The following CACNA1H variants were observed in gnomAD, a reference collection of about 807,000 sequenced individuals.
CACNA1H encodes voltage-dependent T-type calcium channel subunit alpha-1H.
CACNA1H carries 149 observed loss-of-function variants against 192.5 expected under a neutral mutation model. That is an observed-to-expected ratio of 0.77 (90% CI 0.68 to 0.89). The LOEUF (loss-of-function observed/expected upper bound fraction) is 0.89. CACNA1H is among the 40% of genes least tolerant of loss of function. The pLI, the probability that CACNA1H is intolerant of heterozygous loss-of-function variation, is 0.00. For synonymous variants in CACNA1H, 2,202 were observed against 1,475.2 expected, an observed-to-expected ratio of 1.49 and a Z score of -11.29; for missense variants, 4,257 against 3,423.5, an observed-to-expected ratio of 1.24 and a Z score of -6.08.
chr16:1,154,054 C>CGG lies in CACNA1H; in HGVS notation c.299+23_299+24dup. 1 of 106,622 alleles carries CGG rather than the reference C, an allele frequency of 9.4e-6. No individual in the cohort carries two copies. Among genetic ancestry groups the CGG allele is most frequent in the South Asian group, 4.2e-4 (1 of 2,360 alleles). 6.6% of individuals were successfully genotyped at this position (106,622 alleles called of 1,614,324 possible). On this transcript the variant is annotated intron_variant, in intron 2 of 34. Transcript: ENST00000348261. The stretch of plus-strand genomic sequence containing the variant: ...TGCAACCCATATCCTTCCCGGCCGG[C>CGG]GGGGGGCGGGGGGCGGGGGGCGTGG...
In CACNA1H at chr16:1,212,538, C is replaced by T. The variant is rs762322793; in HGVS notation, c.4777+10C>T. On this transcript the variant is annotated intron_variant, in intron 26 of 34. Coordinates refer to ENST00000348261, the MANE Select transcript of CACNA1H (RefSeq NM_021098.3). ...ACTTTCCCCAGCCCAGGTACCGGCC[C>T]TGTCCCGCATGCCTCAGGCCCCGCT... 6.2e-6 allele frequency: 10 copies of T among 1,610,170 alleles called. No individual in the cohort carries two copies. In the South Asian group the frequency reaches 8.8e-5, roughly 14 times the overall value.
At chr16:1,178,424 A>G (rs1203582633) in intron 2 of CACNA1H, among the ~76,000 whole-genome samples, 1 of 149,792 alleles carries the variant, frequency 6.7e-6, no homozygotes, top group Non-Finnish European at 1.5e-5. Context: ...CCACCCCCCC[A>G]AGTGCCTCAG....
chr16:1,174,776 G>A (rs1191428624), intron 2 of CACNA1H, among the ~76,000 whole-genome samples: 6 of 152,246 alleles, frequency 3.9e-5, no homozygotes, highest in Non-Finnish European at 7.3e-5. Context: ...GGATCGAGTC[G>A]TTGGTGGATC....
At chr16:1,206,714 T>G (rs1330232472) in intron 12 of CACNA1H, 1 of 466,206 alleles carries the variant, frequency 2.1e-6, no homozygotes, top group Non-Finnish European at 3.9e-6. Flanking sequence ...GAGGCAGGTG[T>G]CCCAGGTTCC....
In CACNA1H at chr16:1,156,808, G is replaced by A. The variant is rs111429816; in HGVS notation, c.299+2772G>A. Among the ~76,000 whole-genome samples, 695 of 152,220 alleles carry A rather than the reference G, an allele frequency of 4.6e-3. 2 individuals are homozygous for A. Among genetic ancestry groups the A allele is most frequent in the Middle Eastern group, 0.01 (3 of 294 alleles). On this transcript the variant is annotated intron_variant, in intron 2 of 34. Transcript: ENST00000348261. ...CACAGGAACCTGGGGGAGGGCCCGC[G>A]TTTATCCCTGAACCTCTCCTGAACC...
rs778637721 is a variant in CACNA1H, at chr16:1,195,957, G to A, written c.577G>A (p.Val193Met). The change falls in exon 5 of 35, where the codon GTG becomes ATG. Residue 193 changes from valine (V) to methionine (M), a missense_variant. Transcript: ENST00000348261. ...GGAGTACTCGTTGGACGGACACAAC[G>A]TGAGCCTCTCGGCTATCAGGACCGT... is the stretch of plus-strand genomic sequence containing the variant. ...MMEYSLDGHN[V>M]SLSAIRTVRV... 24 of 1,612,986 alleles carry A rather than the reference G, an allele frequency of 1.5e-5. No individual in the cohort carries two copies. The highest frequency in any genetic ancestry group is 1.6e-4 in the Middle Eastern group (1 of 6,084).
In CACNA1H at chr16:1,201,779, C is replaced by A; in HGVS notation, c.1329C>A (p.Asn443Lys). The change falls in exon 9 of 35, where the codon AAC (asparagine) becomes AAA (lysine). Residue 443 changes from asparagine (N) to lysine (K), a missense_variant. Coordinates refer to ENST00000348261, the MANE Select transcript of CACNA1H (RefSeq NM_021098.3). The part of the protein sequence containing the change: ...MREQRARHLS[N>K]DSTLASFSEP... ...AGCAGCGGGCACGCCACCTGTCCAA[C>A]GACAGCACGCTGGCCAGCTTCTCCG... 1 of 1,602,418 alleles carries A rather than the reference C, an allele frequency of 6.2e-7. No homozygotes were observed. Among genetic ancestry groups the A allele is most frequent in the Non-Finnish European group, 8.5e-7 (1 of 1,175,540 alleles).
intron 2 of CACNA1H, among the ~76,000 whole-genome samples, chr16:1,155,175 A>G (rs1026209791): frequency 6.6e-6 from 1 of 152,216 alleles, no homozygotes; most frequent in Non-Finnish European, 1.5e-5. Context: ...AAATCCAAAC[A>G]TCGAGTGAGT....
rs773385518 is a variant in CACNA1H at position 1,200,705 on chromosome 16, T to C, written c.1120-11T>C. On this transcript the variant is annotated splice_polypyrimidine_tract_variant and intron_variant, in intron 7 of 34. Transcript: ENST00000348261. ...GTCGTGCGGGCCCAAGTCAAGCCAC[T>C]GCCCCCCCAGGTGATCACGCTGGAA... The C allele has an allele frequency of 4.5e-6, 7 of 1,565,734 alleles. No individual in the cohort carries two copies. Among genetic ancestry groups the C allele is most frequent in the Non-Finnish European group, 6.1e-6 (7 of 1,155,352 alleles).
intron 23 of CACNA1H, 44 bp from the exon 24 acceptor site, chr16:1,211,671 AC>A (rs772160588): frequency 1.2e-6 from 2 of 1,610,236 alleles, no homozygotes; most frequent in Middle Eastern, 1.7e-4. Flanking sequence ...AGGGCCGGCG[AC>A]CCCAGCTCTA....
intron 2 of CACNA1H, among the ~76,000 whole-genome samples, chr16:1,186,909 C>T (rs1966123998): frequency 6.6e-6 from 1 of 152,208 alleles, no homozygotes; most frequent in Non-Finnish European, 1.5e-5. Context: ...TGCCGCGGTT[C>T]TGAGTGGGGG....
Position 1,204,468 on chromosome 16 carries a change from G to A in CACNA1H, c.2451+10G>A, listed in dbSNP as rs576929548. On this transcript the variant is annotated intron_variant, in intron 10 of 34. Transcript: ENST00000348261. ...GGAGTACCATGAGCAGGTGCGGGCT[G>A]GCCTGGCCACGGGGTGGGCTCCCTG... The A allele has an allele frequency of 1.3e-6, 2 of 1,519,082 alleles. No homozygotes were observed. Among genetic ancestry groups the A allele is most frequent in the East Asian group, 2.3e-5 (1 of 43,942 alleles). 94.1% of individuals were successfully genotyped at this position (1,519,082 alleles called of 1,614,324 possible). A position where few individuals can be genotyped will look rare whatever the true frequency, so the allele number is the denominator to read the frequency against.
Position 1,167,224 on chromosome 16 carries a change from G to A in CACNA1H, c.299+13188G>A, listed in dbSNP as rs1049028311. On this transcript the variant is annotated intron_variant, in intron 2 of 34. Coordinates refer to ENST00000348261, the MANE Select transcript of CACNA1H (RefSeq NM_021098.3). The surrounding 1 kb of genome is among the most constrained non-coding windows in gnomAD (Gnocchi z 4.2). ...GTGGGGATGAAACGGGCTCTTTGCG[G>A]GGGGCCTGTGGGGTATGGGCCTCCT... Among the ~76,000 whole-genome samples the A allele has an allele frequency of 6.6e-6, 1 of 152,188 alleles. No individual in the cohort carries two copies. The highest frequency in any genetic ancestry group is 2.4e-5 in the African/African-American group (1 of 41,456).
At chr16:1,205,036 G>T in intron 10 of CACNA1H, 78 bp from the exon 11 acceptor site, 1 of 988,456 alleles carries the variant, frequency 1.0e-6, no homozygotes, top group Non-Finnish European at 1.4e-6. Flanking sequence ...AGCCACGGGT[G>T]GGGGCCCCAG....
chr16:1,180,472 G>A lies in CACNA1H; in HGVS notation c.300-14500G>A, dbSNP rs940327864. Among the ~76,000 whole-genome samples, 2 of 152,176 alleles carry A rather than the reference G, an allele frequency of 1.3e-5. No individual in the cohort carries two copies. Among genetic ancestry groups the A allele is most frequent in the Non-Finnish European group, 2.9e-5 (2 of 68,016 alleles). The stretch of plus-strand genomic sequence containing the variant: ...GTGGTGGGACTGGAGGTGCCGTGGA[G>A]GGTGGGCCTGTGTCCTGGTGTCCCT... On this transcript the variant is annotated intron_variant, in intron 2 of 34. Transcript: ENST00000348261. The surrounding 1 kb of genome is among the most constrained non-coding windows in gnomAD (Gnocchi z 4.4).
rs996730681 is a variant in CACNA1H, at chr16:1,167,618, T to G, written c.299+13582T>G. ...AATGGGGTTGCCGTGGCAACGCCTG[T>G]CACTAATCCCCAGCTGCTCCTGGTT... On this transcript the variant is annotated intron_variant, in intron 2 of 34. Coordinates refer to ENST00000348261, the MANE Select transcript of CACNA1H (RefSeq NM_021098.3). This position sits in a 1 kb window ranked among gnomAD's most constrained non-coding sequence, Gnocchi z 4.2. Among the ~76,000 whole-genome samples the G allele has an allele frequency of 2.0e-5, 3 of 152,194 alleles. No homozygotes were observed. Among genetic ancestry groups the G allele is most frequent in the South Asian group, 4.1e-4 (2 of 4,832 alleles).
rs375010790 is a variant in CACNA1H at position 1,218,372 on chromosome 16, G to A, written c.5608G>A (p.Ala1870Thr). 86 of 1,561,894 alleles carry A rather than the reference G, an allele frequency of 5.5e-5. No individual in the cohort carries two copies. The highest frequency in any genetic ancestry group is 1.4e-5 in the African/African-American group (1 of 73,482). The part of the protein sequence containing the change: ...MKHLEESNKE[A>T]REDAELDAEI... The stretch of plus-strand genomic sequence containing the variant: ...GCACCTGGAGGAGAGCAACAAGGAG[G>A]CACGGGAGGATGCGGAGCTGGACGC... Residue 1870 changes from alanine to threonine, a missense_variant, in exon 33 of 35, where the codon GCA becomes ACA. Coordinates refer to ENST00000348261, the MANE Select transcript of CACNA1H (RefSeq NM_021098.3).
intron 2 of CACNA1H, among the ~76,000 whole-genome samples, chr16:1,179,715 C>G (rs1258166994): frequency 6.6e-6 from 1 of 150,452 alleles, no homozygotes; most frequent in Non-Finnish European, 1.5e-5. Context: ...AGGTGTGAGC[C>G]ACCACGCCCG....
In CACNA1H at chr16:1,209,425, C is replaced by T. The variant is rs1344079123; in HGVS notation, c.3744+13C>T. 2.5e-6 allele frequency: 4 copies of T among 1,593,394 alleles called. No individual in the cohort carries two copies. Among genetic ancestry groups the T allele is most frequent in the Admixed American group, 1.7e-5 (1 of 59,760 alleles). ...CGACTCGGAGGACGTGAGTGCGTGG[C>T]CCTGGGCCCACCGCCGACTCGCCTT... is the stretch of plus-strand genomic sequence containing the variant. On this transcript the variant is annotated intron_variant, in intron 17 of 34. Coordinates refer to ENST00000348261, the MANE Select transcript of CACNA1H (RefSeq NM_021098.3).
Sources: gnomAD v4.1 joint callset for allele counts (sites outside exome capture counted in the v4.1 genomes callset) on GRCh38, gnomAD v4.1.1 for gene constraint, Gnocchi (gnomAD v3.1) non-coding constraint, MANE v1.5 for transcripts, NCBI Gene and HGNC (gene_info 2026-07-23, HGNC 2026-07-21) for gene names.